GRM1: variants seen among roughly 807,000 people sequenced by gnomAD.
GRM1 encodes glutamate metabotropic receptor 1, also known as metabotropic glutamate receptor 1.
A neutral mutation model predicts 90.9 loss-of-function variants in GRM1; 33 were observed. The ratio of observed to expected loss-of-function variants is 0.36; its 90% CI spans 0.28 to 0.49. The LOEUF (loss-of-function observed/expected upper bound fraction) is 0.49. GRM1 is among the 20% of genes least tolerant of loss of function. The pLI is 0.99. For synonymous variants in GRM1, 700 were observed against 613.2 expected (o/e 1.14, Z -2.09); for missense variants, 1,190 against 1,534.3 (o/e 0.78, Z 3.75).
chr6:146,043,686 T>C (rs1791200109), intron 1 of GRM1, among the ~76,000 whole-genome samples: 1 of 150,956 alleles, frequency 6.6e-6, no homozygotes, highest in Non-Finnish European at 1.5e-5. Flanking sequence ...CTTATGTGCA[T>C]AGATACTAGC....
At chr6:146,363,459 A>G (rs1775567878) in intron 5 of GRM1, among the ~76,000 whole-genome samples, 1 of 152,218 alleles carries the variant, frequency 6.6e-6, no homozygotes, top group Non-Finnish European at 1.5e-5. Flanking sequence ...TTGGATACCC[A>G]TTCTTGACCA....
intron 1 of GRM1, among the ~76,000 whole-genome samples, chr6:146,073,522 C>T (rs1035012956): frequency 1.3e-5 from 2 of 151,842 alleles, no homozygotes; most frequent in Non-Finnish European, 2.9e-5. Flanking sequence ...TATAAGAAGA[C>T]CAAAGGACAC....
Position 146,386,341 on chromosome 6 carries a change from T to C in GRM1, c.1603-549T>C, listed in dbSNP as rs552020385. Among the ~76,000 whole-genome samples, 241 of 152,198 alleles carry C rather than the reference T, an allele frequency of 1.6e-3. 2 individuals are homozygous for C. The highest frequency in any genetic ancestry group is 5.6e-3 in the African/African-American group (232 of 41,558). On this transcript the variant is annotated intron_variant, in intron 5 of 7. Coordinates refer to ENST00000282753, the MANE Select transcript of GRM1 (RefSeq NM_001278064.2). ...GATCTTTTGAATTCACTAGAGAAAG[T>C]CAGGCAGGGCAATACTTGATTCTTC...
chr6:146,156,799 GGGCTACA>G (rs921243534), intron 1 of GRM1, among the ~76,000 whole-genome samples: 1 of 152,188 alleles, frequency 6.6e-6, no homozygotes, highest in Admixed American at 6.5e-5. Context: ...CTAGAGATAA[GGGCTACA>G]GGAATGGTCC....
intron 6 of GRM1, 93 bp downstream of exon 6, chr6:146,387,109 T>C: frequency 8.3e-7 from 1 of 1,205,166 alleles, no homozygotes; most frequent in Non-Finnish European, 1.2e-6. Context: ...TCATGTCTTC[T>C]CAATGTTAAT....
At chr6:146,108,247 TCAC>T (rs1775404278) in intron 1 of GRM1, among the ~76,000 whole-genome samples, 1 of 152,202 alleles carries the variant, frequency 6.6e-6, no homozygotes, top group African/African-American at 2.4e-5. Flanking sequence ...CAGCATGATC[TCAC>T]CATTATATGG....
chr6:146,266,393 T>G (rs933556289), intron 2 of GRM1, among the ~76,000 whole-genome samples: 18 of 152,292 alleles, frequency 1.2e-4, no homozygotes, highest in African/African-American at 4.3e-4. Context: ...TCAATTCTCA[T>G]TCTTCTATTC....
chr6:146,364,188 T>C lies in GRM1; in HGVS notation c.1602+6494T>C, dbSNP rs2300619. On this transcript the variant is annotated intron_variant, in intron 5 of 7. Coordinates refer to ENST00000282753, the MANE Select transcript of GRM1 (RefSeq NM_001278064.2). ...GTCACATTGTGACTGTATTTCCTTTTACCTCTAGCTATTTATTTTTGTTTT... is the reference window on the plus strand; with the variant it reads ...GTCACATTGTGACTGTATTTCCTTTCACCTCTAGCTATTTATTTTTGTTTT... Among the ~76,000 whole-genome samples, 2,117 of 152,336 alleles carry C rather than the reference T, an allele frequency of 0.014. 76 individuals are homozygous for C. The East Asian group carries it at 0.15, about 11-fold the overall frequency.
intron 2 of GRM1, among the ~76,000 whole-genome samples, chr6:146,268,390 G>C (rs1781996844): frequency 6.6e-6 from 1 of 152,102 alleles, no homozygotes; most frequent in Admixed American, 6.5e-5. Context: ...TCCTGGTGCT[G>C]TTTCTTCTGG....
chr6:146,221,461 C>T (rs927639414), intron 2 of GRM1, among the ~76,000 whole-genome samples: 11 of 152,166 alleles, frequency 7.2e-5, no homozygotes, highest in African/African-American at 2.4e-4. Context: ...TTTTCTGTTC[C>T]TGTGTTAGTT....
intron 7 of GRM1, among the ~76,000 whole-genome samples, chr6:146,424,771 A>T (rs1318920360): frequency 6.6e-6 from 1 of 152,184 alleles, no homozygotes; most frequent in Non-Finnish European, 1.5e-5. Context: ...AGGCTCAAGA[A>T]CATGCAAACA....
At chr6:146,115,353 G>A (rs1775704735) in intron 1 of GRM1, among the ~76,000 whole-genome samples, 1 of 151,850 alleles carries the variant, frequency 6.6e-6, no homozygotes, top group Non-Finnish European at 1.5e-5. Flanking sequence ...TCACACCAGA[G>A]CAGTGCTTGA....
intron 2 of GRM1, among the ~76,000 whole-genome samples, chr6:146,228,658 A>T (rs1780336733): frequency 6.6e-6 from 1 of 152,188 alleles, no homozygotes; most frequent in South Asian, 2.1e-4. Flanking sequence ...CAATGTAGAT[A>T]AATTGCATTA....
intron 6 of GRM1, among the ~76,000 whole-genome samples, chr6:146,389,158 G>A (rs550093176): frequency 4.1e-4 from 62 of 151,948 alleles, no homozygotes; most frequent in Non-Finnish European, 7.9e-4. Context: ...TTGAGAGCTG[G>A]GGTTTACTGA....
intron 1 of GRM1, among the ~76,000 whole-genome samples, chr6:146,117,272 A>G (rs897950720): frequency 2.0e-5 from 3 of 151,870 alleles, no homozygotes; most frequent in African/African-American, 7.2e-5. Flanking sequence ...TAAGGAATAT[A>G]AAATATTTAT....
At chr6:146,259,251 G>A (rs987946817) in intron 2 of GRM1, among the ~76,000 whole-genome samples, 8 of 152,070 alleles carry the variant, frequency 5.3e-5, no homozygotes, top group Admixed American at 1.3e-4. Context: ...CTGATCTCAG[G>A]TACTACTGTG....
At chr6:146,341,807 A>G (rs1469683486) in intron 3 of GRM1, among the ~76,000 whole-genome samples, 4 of 152,214 alleles carry the variant, frequency 2.6e-5, no homozygotes, top group Non-Finnish European at 5.9e-5. Context: ...AGTCTTAACG[A>G]GAAGCCTTAT....
chr6:146,121,238 G>A (rs1775977616), intron 1 of GRM1, among the ~76,000 whole-genome samples: 2 of 152,156 alleles, frequency 1.3e-5, no homozygotes, highest in South Asian at 2.1e-4. Flanking sequence ...GGTGTTTATA[G>A]TATTCTCTGA....
chr6:146,284,107 C>A (rs899656287), intron 2 of GRM1, among the ~76,000 whole-genome samples: 12 of 152,122 alleles, frequency 7.9e-5, no homozygotes, highest in Non-Finnish European at 1.6e-4. Flanking sequence ...GATCAGCACA[C>A]AGGTGATGAA....
Sources: gnomAD v4.1 joint callset for allele counts (sites outside exome capture counted in the v4.1 genomes callset) on GRCh38, gnomAD v4.1.1 for gene constraint, MANE v1.5 for transcripts, NCBI Gene and HGNC (gene_info 2026-07-23, HGNC 2026-07-21) for gene names.